The following CELSR1 variants were observed in gnomAD, a reference collection of about 807,000 sequenced individuals.
The protein encoded by CELSR1 is cadherin EGF LAG seven-pass G-type receptor 1, also known as adhesion G protein-coupled receptor C1.
CELSR1 carries 110 observed loss-of-function variants against 249.1 expected under a neutral mutation model. That is an observed-to-expected ratio of 0.44 (90% CI 0.38 to 0.52). CELSR1 has a LOEUF of 0.52. CELSR1 is among the 20% of genes least tolerant of loss of function. The probability of loss-of-function intolerance (pLI) is 0.00; values close to 1 mark genes in which losing one functional copy is unlikely to be tolerated. For synonymous variants in CELSR1, 2,113 were observed against 1,900.0 expected, an observed-to-expected ratio of 1.11 and a Z score of -2.92; for missense variants, 4,109 against 4,296.4, an observed-to-expected ratio of 0.96 and a Z score of 1.22.
chr22:46,450,393 C>G, intron 2 of CELSR1, among the ~76,000 whole-genome samples: 1 of 152,246 alleles, frequency 6.6e-6, no homozygotes, highest in East Asian at 1.9e-4. Context: ...GCTCCCTGAC[C>G]CTGGGTATCC....
rs2080738304 is a variant in CELSR1 at position 46,526,315 on chromosome 22, G to C, written c.3544+7312C>G. ...GACACTGCCCACTCCCAAAGCCCCT[G>C]AGACGGGCCAGTGCCACGCTAGGCT... On this transcript the variant is annotated intron_variant, in intron 1 of 34. Transcript: ENST00000674500. The surrounding 1 kb of genome is among the most constrained non-coding windows in gnomAD (Gnocchi z 4.7). Among the ~76,000 whole-genome samples, 1 of 152,208 alleles carries C rather than the reference G, an allele frequency of 6.6e-6. No individual in the cohort carries two copies. The highest frequency in any genetic ancestry group is 1.5e-5 in the Non-Finnish European group (1 of 68,038).
In CELSR1 at chr22:46,393,686, C is replaced by T. The variant is rs560183826; in HGVS notation, c.5964+456G>A. The stretch of plus-strand genomic sequence containing the variant: ...CCGGGAGGCGGAGGCTGCAGTGAGC[C>T]GAGATCGCACCACTGCACTCCAGCC... On this transcript the variant is annotated intron_variant, in intron 14 of 34. Transcript: ENST00000674500. The surrounding 1 kb of genome is among the most constrained non-coding windows in gnomAD (Gnocchi z 4.1). 4.0e-5 allele frequency among the ~76,000 whole-genome samples: 6 copies of T among 150,532 alleles called. No individual in the cohort carries two copies. The East Asian group carries it at 5.9e-4, about 15-fold the overall frequency.
chr22:46,377,627 G>A, intron 23 of CELSR1: 2 of 303,586 alleles, frequency 6.6e-6, no homozygotes, highest in Non-Finnish European at 1.3e-5. Flanking sequence ...CATGTCACCT[G>A]GCATCCTGGC....
Position 46,437,230 on chromosome 22 carries a change from G to C in CELSR1, c.4407-941C>G, listed in dbSNP as rs183578773. ...TCCCACCCAGGGGCCCCGGGCAGGGGGTCTTCAGACCCAAATCACCACAAC... is the reference window on the plus strand; with the variant it reads ...TCCCACCCAGGGGCCCCGGGCAGGGCGTCTTCAGACCCAAATCACCACAAC... On this transcript the variant is annotated intron_variant, in intron 3 of 34. Coordinates refer to ENST00000674500, the MANE Select transcript of CELSR1 (RefSeq NM_001378328.1). The surrounding 1 kb of genome is among the most constrained non-coding windows in gnomAD (Gnocchi z 4.9). Among the ~76,000 whole-genome samples the C allele has an allele frequency of 6.6e-6, 1 of 152,200 alleles. No individual in the cohort carries two copies. Among genetic ancestry groups the C allele is most frequent in the East Asian group, 1.9e-4 (1 of 5,176 alleles).
chr22:46,487,733 A>C (rs971627655), intron 1 of CELSR1, among the ~76,000 whole-genome samples: 126 of 1,260 alleles, frequency 0.1, no homozygotes, highest in East Asian at 0.14. Flanking sequence ...GTGGGGGGTG[A>C]GGGGGAGGGG....
At chr22:46,451,431 A>T (rs1274335908) in intron 2 of CELSR1, among the ~76,000 whole-genome samples, 1 of 152,252 alleles carries the variant, frequency 6.6e-6, no homozygotes, top group Non-Finnish European at 1.5e-5. Flanking sequence ...CCAGCAGCAA[A>T]GAAAAATGAT....
Position 46,468,033 on chromosome 22 carries a change from C to G in CELSR1, c.3545-3688G>C, listed in dbSNP as rs963549765. ...AACCACACCTATGTTCATAGCAGCG[C>G]TATTCACAAGAGCTGAAACATGGAA... On this transcript the variant is annotated intron_variant, in intron 1 of 34. Transcript: ENST00000674500. This position sits in a 1 kb window ranked among gnomAD's most constrained non-coding sequence, Gnocchi z 4.5. 3.3e-5 allele frequency among the ~76,000 whole-genome samples: 5 copies of G among 152,056 alleles called. No individual in the cohort carries two copies. The highest frequency in any genetic ancestry group is 1.2e-4 in the African/African-American group (5 of 41,412).
At chr22:46,387,870 A>G (rs1042772942) in intron 18 of CELSR1, among the ~76,000 whole-genome samples, 1 of 152,142 alleles carries the variant, frequency 6.6e-6, no homozygotes, top group Non-Finnish European at 1.5e-5. Flanking sequence ...GAACTCCACC[A>G]ACCACGTCAA....
rs957552038 is a variant in CELSR1, at chr22:46,410,241, T to C, written c.4933+157A>G. On this transcript the variant is annotated intron_variant, in intron 7 of 34. Transcript: ENST00000674500. The surrounding 1 kb of genome is among the most constrained non-coding windows in gnomAD (Gnocchi z 6.8). The stretch of plus-strand genomic sequence containing the variant: ...GGAGATGCACATCTCCAGCCTGGAC[T>C]CCGGGTTCCATCCCAGGAGCTGCCC... Among the ~76,000 whole-genome samples, 1 of 152,188 alleles carries C rather than the reference T, an allele frequency of 6.6e-6. No individual in the cohort carries two copies. Among genetic ancestry groups the C allele is most frequent in the Non-Finnish European group, 1.5e-5 (1 of 68,024 alleles).
At chr22:46,379,704 C>T (rs569043992) in intron 22 of CELSR1, among the ~76,000 whole-genome samples, 1 of 152,342 alleles carries the variant, frequency 6.6e-6, no homozygotes, top group Non-Finnish European at 1.5e-5. Flanking sequence ...CCACCCCCAG[C>T]ACAGCCCCCA....
rs555085818 is a variant in CELSR1, at chr22:46,444,164, G to A, written c.4184-4753C>T. ...GTAGCTTCCCGGTCCCACCTGCTCC[G>A]GGTCGGAACTCACTCTCCCCTCATC... On this transcript the variant is annotated intron_variant, in intron 2 of 34. Coordinates refer to ENST00000674500, the MANE Select transcript of CELSR1 (RefSeq NM_001378328.1). 5.9e-5 allele frequency among the ~76,000 whole-genome samples: 9 copies of A among 152,320 alleles called. No homozygotes were observed. In the East Asian group the frequency reaches 9.6e-4, roughly 16 times the overall value.
rs566393793 is a variant in CELSR1, at chr22:46,381,925, C to T, written c.7009G>A (p.Ala2337Thr). The change falls in exon 21 of 35, where the codon GCC becomes ACC. Residue 2337 changes from alanine (A) to threonine (T), a missense_variant. Ala to Thr is a moderately conservative substitution (Grantham distance 58). Coordinates refer to ENST00000674500, the MANE Select transcript of CELSR1 (RefSeq NM_001378328.1). The surrounding 1 kb of genome is among the most constrained non-coding windows in gnomAD (Gnocchi z 6.0). ...CGGTAAATGATGACCAGAGCGACGG[C>T]GAACTGGCCAGCGTCATCAGGGTGT... ...RRHPDDAGQF[A>T]VALVIIYRTL... 4.3e-5 allele frequency: 68 copies of T among 1,571,704 alleles called. No individual in the cohort carries two copies. The highest frequency in any genetic ancestry group is 1.9e-4 in the South Asian group (16 of 85,600).
chr22:46,420,063 C>T (rs1176415424), intron 5 of CELSR1, among the ~76,000 whole-genome samples: 2 of 151,364 alleles, frequency 1.3e-5, no homozygotes, highest in African/African-American at 4.9e-5. Context: ...CTCACCCACA[C>T]GTGCGCTCAT....
chr22:46,458,362 C>A (rs985431934), intron 2 of CELSR1, among the ~76,000 whole-genome samples: 1 of 152,128 alleles, frequency 6.6e-6, no homozygotes, highest in Non-Finnish European at 1.5e-5. Context: ...GCATCCTGGG[C>A]GCTCCGTGAA....
At position 46,369,734 on chromosome 22, in the gene CELSR1, G is replaced by C; in HGVS notation, c.7830C>G (p.Thr2610=). ...TGGGCCCCGCAAAGCTCCAAATCAG[G>C]GTGTCTTGAAGCGACAGCCAGCAGA... ...PDFCWLSLQD[T]LIWSFAGPIG... The change falls in exon 26 of 35, where the codon ACC becomes ACG. Residue 2610 remains threonine (T), a synonymous_variant. Transcript: ENST00000674500. 6.2e-7 allele frequency: 1 copy of C among 1,613,492 alleles called. No individual in the cohort carries two copies. Among genetic ancestry groups the C allele is most frequent in the African/African-American group, 1.3e-5 (1 of 75,066 alleles).
At chr22:46,482,177 G>A (rs2080273005) in intron 1 of CELSR1, among the ~76,000 whole-genome samples, 1 of 152,240 alleles carries the variant, frequency 6.6e-6, no homozygotes, top group South Asian at 2.1e-4. Flanking sequence ...AGCTGTGACT[G>A]CGTTATGCCA....
chr22:46,439,051 C>T, intron 3 of CELSR1, 138 bp downstream of exon 3: 3 of 847,660 alleles, frequency 3.5e-6, no homozygotes, highest in South Asian at 1.7e-5. Flanking sequence ...AGCCACCGCG[C>T]CTGGCCTGGA....
rs1382910293 is a variant in CELSR1, at chr22:46,374,701, A to G, written c.7585-1644T>C. ...GCCTGCACCGACTCCCCTCTCCCCC[A>G]TTCACGCCACTCAAAAGCACACTAG... is the stretch of plus-strand genomic sequence containing the variant. On this transcript the variant is annotated intron_variant, in intron 24 of 34. Transcript: ENST00000674500. This position sits in a 1 kb window ranked among gnomAD's most constrained non-coding sequence, Gnocchi z 4.3. Among the ~76,000 whole-genome samples the G allele has an allele frequency of 1.3e-5, 2 of 152,028 alleles. No homozygotes were observed. The highest frequency in any genetic ancestry group is 4.8e-5 in the African/African-American group (2 of 41,380).
At chr22:46,376,719 A>C (rs2147203310) in intron 24 of CELSR1, among the ~76,000 whole-genome samples, 1 of 151,972 alleles carries the variant, frequency 6.6e-6, no homozygotes, top group East Asian at 1.9e-4. Context: ...GTACACAAGA[A>C]TCACTTGAAC....
Sources: gnomAD v4.1 joint callset for allele counts (sites outside exome capture counted in the v4.1 genomes callset) on GRCh38, gnomAD v4.1.1 for gene constraint, Gnocchi (gnomAD v3.1) non-coding constraint, MANE v1.5 for transcripts, NCBI Gene and HGNC (gene_info 2026-07-23, HGNC 2026-07-21) for gene names.